The following DENND5B variants were observed in gnomAD, a reference collection of about 807,000 sequenced individuals.
The protein encoded by DENND5B is DENN domain containing 5B, also known as DENN domain-containing protein 5B.
Under a neutral mutation model 140.6 loss-of-function variants are expected in DENND5B, and 34 were observed. That is an observed-to-expected ratio of 0.24 (90% CI 0.18 to 0.32). DENND5B has a LOEUF of 0.32. Ranked by LOEUF, DENND5B falls within the 10% of genes least tolerant of loss-of-function variation. DENND5B has a pLI of 1.00. For missense variants in DENND5B, 1,142 were observed against 1,560.2 expected, an observed-to-expected ratio of 0.73 and a Z score of 4.52; for synonymous variants, 551 against 562.1, an observed-to-expected ratio of 0.98 and a Z score of 0.28.
chr12:31,392,824 C>A, intron 17 of DENND5B, 128 bp from the exon 18 acceptor site: 2 of 888,740 alleles, frequency 2.3e-6, no homozygotes, highest in Non-Finnish European at 3.3e-6. Context: ...CCAGGGGCTC[C>A]ATAGAACTTG....
At chr12:31,552,426 T>A (rs1202682650) in intron 1 of DENND5B, among the ~76,000 whole-genome samples, 2 of 152,200 alleles carry the variant, frequency 1.3e-5, no homozygotes, top group Admixed American at 6.5e-5. Flanking sequence ...TTGATCATAG[T>A]GGATAAGCTT....
At chr12:31,559,094 A>G (rs1321532361) in intron 1 of DENND5B, among the ~76,000 whole-genome samples, 6 of 152,364 alleles carry the variant, frequency 3.9e-5, no homozygotes, top group Non-Finnish European at 7.3e-5. Flanking sequence ...ATGAAAAATG[A>G]AAAGTAAACT....
At chr12:31,529,689 T>C (rs1948212949) in intron 1 of DENND5B, among the ~76,000 whole-genome samples, 1 of 151,722 alleles carries the variant, frequency 6.6e-6, no homozygotes, top group Non-Finnish European at 1.5e-5. Flanking sequence ...GCCAGTCTCA[T>C]AACCCAGTCT....
chr12:31,534,412 T>G (rs1251671791), intron 1 of DENND5B, among the ~76,000 whole-genome samples: 1 of 152,182 alleles, frequency 6.6e-6, no homozygotes, highest in African/African-American at 2.4e-5. Flanking sequence ...ACTCCTGACC[T>G]CAAGTGATCT....
chr12:31,390,187 G>A (rs1206759768), intron 19 of DENND5B, among the ~76,000 whole-genome samples: 2 of 152,186 alleles, frequency 1.3e-5, no homozygotes, highest in African/African-American at 4.8e-5. Context: ...ACAAAGCTTA[G>A]CAAGCTAGAA....
chr12:31,521,698 TTCTTGCTTCC>T (rs1366924382), intron 1 of DENND5B, among the ~76,000 whole-genome samples: 1 of 152,130 alleles, frequency 6.6e-6, no homozygotes, highest in African/African-American at 2.4e-5. Context: ...CAAGGAATGA[TTCTTGCTTCC>T]TCTTGCTTCC....
In DENND5B at chr12:31,447,773, T is replaced by C. The variant is rs774603609; in HGVS notation, c.1630-4A>G. The C allele has an allele frequency of 1.3e-6, 2 of 1,566,870 alleles. No individual in the cohort carries two copies. Among genetic ancestry groups the C allele is most frequent in the Admixed American group, 1.9e-5 (1 of 53,052 alleles). ...GCTGGTCAGACAGAAAGGAAGCCTG[T>C]AATGAGATAATTAGGAAATTATTAG... On this transcript the variant is annotated splice_region_variant and splice_polypyrimidine_tract_variant and intron_variant, in intron 5 of 20. Coordinates refer to ENST00000389082, the MANE Select transcript of DENND5B (RefSeq NM_144973.4).
At position 31,410,871 on chromosome 12, in the gene DENND5B, T is replaced by TA. The variant is rs1364512916; in HGVS notation, c.2682-1488dup. 3.9e-5 allele frequency among the ~76,000 whole-genome samples: 6 copies of TA among 152,036 alleles called. No homozygotes were observed. In the East Asian group the frequency reaches 5.8e-4, roughly 15 times the overall value. ...AAATGTTTATGGTACACTGTTAAGCTAATAAAAAGGATGATATTGAATCGC... is the reference window on the plus strand; with the variant it reads ...AAATGTTTATGGTACACTGTTAAGCTAAATAAAAAGGATGATATTGAATCGC... On this transcript the variant is annotated intron_variant, in intron 13 of 20. Transcript: ENST00000389082.
chr12:31,452,918 G>A (rs547974154), intron 4 of DENND5B, among the ~76,000 whole-genome samples: 4 of 152,052 alleles, frequency 2.6e-5, no homozygotes, highest in South Asian at 2.1e-4. Context: ...GTGGGTAAGC[G>A]TGCCCAGACT....
At chr12:31,569,277 C>T (rs1182111387) in intron 1 of DENND5B, among the ~76,000 whole-genome samples, 1 of 152,036 alleles carries the variant, frequency 6.6e-6, no homozygotes, top group Non-Finnish European at 1.5e-5. Context: ...CCATGCTGCG[C>T]AGGCTGGTCT....
At chr12:31,542,620 C>T (rs1948718823) in intron 1 of DENND5B, among the ~76,000 whole-genome samples, 1 of 152,112 alleles carries the variant, frequency 6.6e-6, no homozygotes, top group East Asian at 1.9e-4. Context: ...TCATGTAACC[C>T]ATAAATATAT....
At chr12:31,436,137 G>C (rs2137885936) in intron 7 of DENND5B, among the ~76,000 whole-genome samples, 1 of 148,778 alleles carries the variant, frequency 6.7e-6, no homozygotes, top group South Asian at 2.1e-4. Flanking sequence ...CGGAGTCTCA[G>C]GCTACCACCC....
intron 1 of DENND5B, among the ~76,000 whole-genome samples, chr12:31,524,888 G>A (rs1217693451): frequency 1.3e-5 from 2 of 152,054 alleles, no homozygotes; most frequent in African/African-American, 4.8e-5. Context: ...CTTTGTCCCT[G>A]TTCTCTTGCT....
intron 1 of DENND5B, among the ~76,000 whole-genome samples, chr12:31,500,235 A>G (rs1384456769): frequency 6.6e-6 from 1 of 152,156 alleles, no homozygotes; most frequent in African/African-American, 2.4e-5. Context: ...TAAATGACCA[A>G]CTTTAAAAAT....
At chr12:31,491,397 T>C (rs748237169) in intron 2 of DENND5B, among the ~76,000 whole-genome samples, 2 of 152,114 alleles carry the variant, frequency 1.3e-5, no homozygotes, top group Non-Finnish European at 2.9e-5. Flanking sequence ...AGGTTGTAAG[T>C]AAGCCAAGAT....
chr12:31,586,965 A>G (rs1385210010), intron 1 of DENND5B, among the ~76,000 whole-genome samples: 1 of 152,230 alleles, frequency 6.6e-6, no homozygotes. Flanking sequence ...CTCTACGGAA[A>G]TAGTCAAGAA....
chr12:31,409,182 A>G (rs1942303320), intron 14 of DENND5B, 81 bp downstream of exon 14: 12 of 1,397,284 alleles, frequency 8.6e-6, no homozygotes, highest in South Asian at 1.6e-5. Context: ...GTACTATGGC[A>G]TATCTTGCTT....
At chr12:31,562,926 CTTTT>C (rs36081364) in intron 1 of DENND5B, among the ~76,000 whole-genome samples, 102 of 147,586 alleles carry the variant, frequency 6.9e-4, no homozygotes, top group Non-Finnish European at 1.3e-3. Flanking sequence ...TTCCTTTTTC[CTTTT>C]TTTTTTTTTT....
chr12:31,574,368 G>C (rs1949938902), intron 1 of DENND5B, among the ~76,000 whole-genome samples: 1 of 151,476 alleles, frequency 6.6e-6, no homozygotes, highest in Non-Finnish European at 1.5e-5. Flanking sequence ...GGCGGGTGGA[G>C]CTCTTGAAGT....
Sources: gnomAD v4.1 joint callset for allele counts (sites outside exome capture counted in the v4.1 genomes callset) on GRCh38, gnomAD v4.1.1 for gene constraint, MANE v1.5 for transcripts, NCBI Gene and HGNC (gene_info 2026-07-23, HGNC 2026-07-21) for gene names.